Variants in NPPA observed in about 807,000 individuals in gnomAD.
NPPA encodes natriuretic peptide A.
Under a neutral mutation model 12.2 loss-of-function variants are expected in NPPA, and 10 were observed. That is an observed-to-expected ratio of 0.82 (90% CI 0.50 to 1.38). NPPA has a LOEUF of 1.38. NPPA is among the 40% of genes most tolerant of loss of function. NPPA has a pLI of 0.00. For missense variants in NPPA, 207 were observed against 193.5 expected (o/e 1.07, Z -0.41); for synonymous variants, 85 against 80.2 (o/e 1.06, Z -0.32).
chr1:11,846,473 A>G (rs1645069301), intron 2 of NPPA, among the ~76,000 whole-genome samples: 1 of 151,114 alleles, frequency 6.6e-6, no homozygotes, highest in Non-Finnish European at 1.5e-5. Flanking sequence ...GGCGCCTGCC[A>G]CCACGCCTGG....
At chr1:11,846,921 CT>C (rs1553122981) in intron 2 of NPPA, among the ~76,000 whole-genome samples, 191 bp downstream of exon 2, 26 of 125,646 alleles carry the variant, frequency 2.1e-4, no homozygotes, top group South Asian at 1.6e-3. Context: ...GCCCCCCCCC[CT>C]TTTTTTTTTA....
In NPPA at chr1:11,847,718, T is replaced by C; in HGVS notation, c.-34A>G. Reference sequence around the variant, plus strand: ...CGTCAAGGAGCAATCCACTGCTTGCTGCTCTGTCTCTCCCCTCTGGTTCCT... The same window carrying C: ...CGTCAAGGAGCAATCCACTGCTTGCCGCTCTGTCTCTCCCCTCTGGTTCCT... On this transcript the variant is annotated 5_prime_UTR_variant, in exon 1 of 3. Transcript: ENST00000376480. 1.2e-6 allele frequency: 2 copies of C among 1,613,644 alleles called. No homozygotes were observed. Among genetic ancestry groups the C allele is most frequent in the Non-Finnish European group, 1.7e-6 (2 of 1,180,006 alleles).
Position 11,847,709 on chromosome 1 carries a change from A to G in NPPA, c.-25T>C. 1 of 1,613,802 alleles carries G rather than the reference A, an allele frequency of 6.2e-7. No individual in the cohort carries two copies. Among genetic ancestry groups the G allele is most frequent in the Non-Finnish European group, 8.5e-7 (1 of 1,179,998 alleles). On this transcript the variant is annotated 5_prime_UTR_variant, in exon 1 of 3. Transcript: ENST00000376480. ...TGCTGGCGTCGTCAAGGAGCAATCC[A>G]CTGCTTGCTGCTCTGTCTCTCCCCT...
At chr1:11,846,347 T>C (rs1286611408) in intron 2 of NPPA, among the ~76,000 whole-genome samples, 1 of 129,168 alleles carries the variant, frequency 7.7e-6, no homozygotes, top group Non-Finnish European at 1.6e-5. Flanking sequence ...TGAGACGGAG[T>C]CTTGCTCTGT....
rs764844383 is a variant in NPPA, at chr1:11,847,353, C to T, written c.210G>A (p.Ala70=). 3.2e-5 allele frequency: 52 copies of T among 1,613,698 alleles called. No homozygotes were observed. Among genetic ancestry groups the T allele is most frequent in the South Asian group, 9.9e-5 (9 of 91,086 alleles). Residue 70 remains alanine (A), a synonymous_variant, in exon 2 of 3, where the codon GCG becomes GCA. Transcript: ENST00000376480. Reference sequence around the variant, plus strand: ...CAGGGAGGGGGCTGAGAGCAGCCCCCGCTTCTTCATTCGGCTCACTGAGCA... The same window carrying T: ...CAGGGAGGGGGCTGAGAGCAGCCCCTGCTTCTTCATTCGGCTCACTGAGCA... The part of the protein sequence containing the change: ...PQVLSEPNEE[A]GAALSPLPEV...
At chr1:11,846,141 C>G in intron 2 of NPPA, 127 bp from the exon 3 acceptor site, 2 of 880,018 alleles carry the variant, frequency 2.3e-6, no homozygotes, top group East Asian at 2.4e-5. Flanking sequence ...GGCCCCCACC[C>G]CAGCCTGATG....
Position 11,845,864 on chromosome 1 carries a change from G to A in NPPA, c.*145C>T. On this transcript the variant is annotated 3_prime_UTR_variant, in exon 3 of 3. Coordinates refer to ENST00000376480, the MANE Select transcript of NPPA (RefSeq NM_006172.4). ...ACAGTTAGCATAAGATGTGAGAAGT[G>A]TTGACAGGAAGCTGCAGCTTAGATG... 1 of 823,034 alleles carries A rather than the reference G, an allele frequency of 1.2e-6. No homozygotes were observed. The highest frequency in any genetic ancestry group is 2.1e-6 in the Non-Finnish European group (1 of 466,492). 51.0% of individuals were successfully genotyped at this position (823,034 alleles called of 1,614,324 possible).
At chr1:11,846,975 T>TAA in intron 2 of NPPA, 138 bp downstream of exon 2, 1 of 528,418 alleles carries the variant, frequency 1.9e-6, no homozygotes, top group South Asian at 2.9e-5. Context: ...AGATGGCATG[T>TAA]CCTGACACCC....
intron 2 of NPPA, 50 bp downstream of exon 2, chr1:11,847,063 T>C (rs1309094647): frequency 2.0e-6 from 3 of 1,472,074 alleles, no homozygotes; most frequent in African/African-American, 1.4e-5. Context: ...GCTGAAGGTG[T>C]CTCCCAGTAG....
At chr1:11,847,027 T>G (rs1352557163) in intron 2 of NPPA, 86 bp downstream of exon 2, 2,095 of 1,229,580 alleles carry the variant, frequency 1.7e-3, no homozygotes, top group Non-Finnish European at 2.1e-3. Context: ...TGAGAGGGAA[T>G]GAGCTTCTGC....
chr1:11,847,187 G>T lies in NPPA; in HGVS notation c.376C>A (p.Arg126=). ...RALLTAPRSL[R]RSSCFGGRMD... ...CTGCCCCCGAAGCAGCTGGATCTCC[G>T]CAGGCTCCGAGGGGCAGTGAGCAGC... is the stretch of plus-strand genomic sequence containing the variant. Residue 126 remains arginine, a synonymous_variant, in exon 2 of 3, where the codon CGG becomes AGG. Coordinates refer to ENST00000376480, the MANE Select transcript of NPPA (RefSeq NM_006172.4). The T allele has an allele frequency of 1.9e-6, 3 of 1,600,560 alleles. No individual in the cohort carries two copies. The highest frequency in any genetic ancestry group is 1.1e-5 in the South Asian group (1 of 90,486).
Position 11,847,708 on chromosome 1 carries a change from C to T in NPPA, c.-24G>A. On this transcript the variant is annotated 5_prime_UTR_variant, in exon 1 of 3. Coordinates refer to ENST00000376480, the MANE Select transcript of NPPA (RefSeq NM_006172.4). ...ATGCTGGCGTCGTCAAGGAGCAATC[C>T]ACTGCTTGCTGCTCTGTCTCTCCCC... 2.5e-6 allele frequency: 4 copies of T among 1,613,834 alleles called. No individual in the cohort carries two copies. In the South Asian group the frequency reaches 4.4e-5, roughly 18 times the overall value.
intron 2 of NPPA, among the ~76,000 whole-genome samples, chr1:11,846,663 T>G (rs1328167642): frequency 6.9e-6 from 1 of 144,872 alleles, no homozygotes; most frequent in African/African-American, 2.6e-5. Context: ...TCACCTAGGC[T>G]GGACTGCAGT....
rs771777356 is a variant in NPPA at position 11,847,600 on chromosome 1, A to G, written c.85T>C (p.Tyr29His). The G allele has an allele frequency of 1.2e-6, 2 of 1,614,142 alleles. No homozygotes were observed. The highest frequency in any genetic ancestry group is 1.7e-6 in the Non-Finnish European group (2 of 1,180,024). ...AGGTCTGCGTTGGACACGGCATTGT[A>G]CATGGGATTAGCTCTGGTCTGACCT... ...LLGQTRANPMYNAVSNADLMD... is the reference protein window; with the variant it reads ...LLGQTRANPMHNAVSNADLMD... Residue 29 changes from tyrosine to histidine, a missense_variant, in exon 1 of 3, where the codon TAC becomes CAC. Tyr to His is a moderately conservative substitution (Grantham distance 83). Coordinates refer to ENST00000376480, the MANE Select transcript of NPPA (RefSeq NM_006172.4).
At chr1:11,847,043 T>A in intron 2 of NPPA, 70 bp downstream of exon 2, 1 of 1,406,228 alleles carries the variant, frequency 7.1e-7, no homozygotes, top group East Asian at 2.3e-5. Flanking sequence ...TCTGCATTGG[T>A]CCCTTTCCTG....
At position 11,845,998 on chromosome 1, in the gene NPPA, G is replaced by A. The variant is rs374776982; in HGVS notation, c.*11C>T. The A allele has an allele frequency of 7.4e-5, 119 of 1,613,854 alleles. No individual in the cohort carries two copies. The highest frequency in any genetic ancestry group is 1.0e-4 in the Non-Finnish European group (118 of 1,179,898). On this transcript the variant is annotated 3_prime_UTR_variant, in exon 3 of 3. Transcript: ENST00000376480. ...AGGCCCAGCCCTGCTTGTCCTCCCT[G>A]GCTGTTATCTTCAGTACTGCAAAGA...
At position 11,847,192 on chromosome 1, in the gene NPPA, C is replaced by T; in HGVS notation, c.371G>A (p.Ser124Asn). The change falls in exon 2 of 3, where the codon AGC becomes AAC. Residue 124 changes from serine (S) to asparagine (N), a missense_variant. Ser to Asn is a conservative substitution (Grantham distance 46, BLOSUM62 1). Coordinates refer to ENST00000376480, the MANE Select transcript of NPPA (RefSeq NM_006172.4). ...KLRALLTAPR[S>N]LRRSSCFGGR... ...CCCGAAGCAGCTGGATCTCCGCAGG[C>T]TCCGAGGGGCAGTGAGCAGCGCCCT... The T allele has an allele frequency of 6.2e-7, 1 of 1,605,816 alleles. No homozygotes were observed. Among genetic ancestry groups the T allele is most frequent in the Non-Finnish European group, 8.5e-7 (1 of 1,173,636 alleles).
intron 2 of NPPA, among the ~76,000 whole-genome samples, chr1:11,846,466 G>A (rs1645069250): frequency 1.3e-5 from 2 of 151,338 alleles, no homozygotes; most frequent in Non-Finnish European, 2.9e-5. Flanking sequence ...ACTTACAGGC[G>A]CCTGCCACCA....
rs747934586 is a variant in NPPA at position 11,847,321 on chromosome 1, G to C, written c.242C>G (p.Pro81Arg). Reference protein sequence around the residue: ...GAALSPLPEVPPWTGEVSPAQ... With the variant: ...GAALSPLPEVRPWTGEVSPAQ... ...TGGGCTGACTTCCCCGGTCCAGGGAGGCACCTCAGGGAGGGGGCTGAGAGC... is the reference window on the plus strand; with the variant it reads ...TGGGCTGACTTCCCCGGTCCAGGGACGCACCTCAGGGAGGGGGCTGAGAGC... Residue 81 changes from proline to arginine, a missense_variant, in exon 2 of 3, where the codon CCT becomes CGT. Pro to Arg is a moderately radical substitution (Grantham distance 103). Coordinates refer to ENST00000376480, the MANE Select transcript of NPPA (RefSeq NM_006172.4). 1.2e-5 allele frequency: 20 copies of C among 1,613,462 alleles called. No homozygotes were observed. The Admixed American group carries it at 3.2e-4, about 26-fold the overall frequency.
Sources: allele counts gnomAD v4.1 joint callset (sites outside exome capture counted in the v4.1 genomes callset), GRCh38; gene constraint gnomAD v4.1.1; transcripts MANE v1.5; gene names NCBI Gene and HGNC (gene_info 2026-07-23, HGNC 2026-07-21).